XKR9: variants seen among roughly 807,000 people sequenced by gnomAD.
XKR9 encodes the protein XK related 9, also known as XK-related protein 9.
XKR9 carries 32 observed loss-of-function variants against 32.0 expected under a neutral mutation model. That is an observed-to-expected ratio of 1.00 (90% CI 0.76 to 1.34). The LOEUF (loss-of-function observed/expected upper bound fraction) is 1.34. Ranked by LOEUF, XKR9 falls within the 40% of genes most tolerant of loss-of-function variation. The pLI is 0.00. For synonymous variants in XKR9, 168 were observed against 143.4 expected (o/e 1.17, Z -1.22); for missense variants, 546 against 429.7 (o/e 1.27, Z -2.39).
chr8:70,997,308 A>G, the XKR9 span, among the ~76,000 whole-genome samples: 4 of 151,732 alleles, frequency 2.6e-5, no homozygotes, highest in African/African-American at 9.7e-5. Context: ...AAAAAAACAA[A>G]CAAAAAAAAA....
the XKR9 span, among the ~76,000 whole-genome samples, chr8:71,023,896 A>T: frequency 6.6e-6 from 1 of 152,138 alleles, no homozygotes; most frequent in Admixed American, 6.5e-5. Context: ...AGGGCAGAGC[A>T]ATCCCCAGGC....
chr8:70,816,273 G>A, the XKR9 span, among the ~76,000 whole-genome samples: 1 of 152,204 alleles, frequency 6.6e-6, no homozygotes, highest in Non-Finnish European at 1.5e-5. Context: ...AAATGGTGCT[G>A]GGAAAACTGG....
the XKR9 span, among the ~76,000 whole-genome samples, chr8:71,053,789 G>A: frequency 1.3e-5 from 2 of 152,232 alleles, no homozygotes; most frequent in Non-Finnish European, 1.5e-5. Context: ...GCTTTGATTA[G>A]TGGAACACAG....
the XKR9 span, among the ~76,000 whole-genome samples, chr8:71,058,625 T>C: frequency 6.6e-6 from 1 of 152,198 alleles, no homozygotes; most frequent in Admixed American, 6.5e-5. Flanking sequence ...ATGACATCAC[T>C]GGTGCAGCAT....
the XKR9 span, among the ~76,000 whole-genome samples, chr8:70,802,569 T>G: frequency 6.6e-6 from 1 of 152,146 alleles, no homozygotes; most frequent in Non-Finnish European, 1.5e-5. Context: ...TTTTATTGTG[T>G]CTGCGTTCTT....
intron 2 of XKR9, chr8:70,677,882 A>G (rs1818934530): frequency 1.3e-5 from 2 of 152,206 alleles, no homozygotes; most frequent in African/African-American, 4.8e-5. Context: ...TTCTTCTCCT[A>G]TATAAGCAAT....
chr8:70,815,258 C>G, the XKR9 span, among the ~76,000 whole-genome samples: 1 of 151,944 alleles, frequency 6.6e-6, no homozygotes, highest in Non-Finnish European at 1.5e-5. Context: ...CAGATTATTT[C>G]ATCACCACCA....
downstream of XKR9, among the ~76,000 whole-genome samples, chr8:70,737,298 T>G (rs1806881842): frequency 6.8e-6 from 1 of 146,280 alleles, no homozygotes; most frequent in Admixed American, 6.8e-5. Flanking sequence ...AGAATGCTTG[T>G]GATTTTTGTA....
chr8:70,712,342 A>G (rs1805947008), intron 4 of XKR9, among the ~76,000 whole-genome samples: 1 of 152,118 alleles, frequency 6.6e-6, no homozygotes. Context: ...ACAGGCCAAA[A>G]TATGTATGAC....
At chr8:70,926,356 C>T in the XKR9 span, among the ~76,000 whole-genome samples, 1 of 152,188 alleles carries the variant, frequency 6.6e-6, no homozygotes, top group African/African-American at 2.4e-5. Context: ...CAGGCGTGAG[C>T]CACTGCACCT....
chr8:70,760,863 C>T (rs927547325), intron 2 of XKR9, among the ~76,000 whole-genome samples: 3 of 152,152 alleles, frequency 2.0e-5, no homozygotes, highest in African/African-American at 7.2e-5. Context: ...TGTTCTTCCT[C>T]CCACCCTCTG....
At chr8:71,057,650 C>A in the XKR9 span, among the ~76,000 whole-genome samples, 3 of 152,148 alleles carry the variant, frequency 2.0e-5, no homozygotes, top group Non-Finnish European at 4.4e-5. Flanking sequence ...CAGAACTGAG[C>A]AAATAACATT....
the XKR9 span, among the ~76,000 whole-genome samples, chr8:71,000,515 A>C: frequency 6.6e-6 from 1 of 152,210 alleles, no homozygotes; most frequent in Non-Finnish European, 1.5e-5. Flanking sequence ...TCAGCTGGAA[A>C]AGATAGATTC....
chr8:71,024,940 A>G, the XKR9 span, among the ~76,000 whole-genome samples: 1 of 152,192 alleles, frequency 6.6e-6, no homozygotes, highest in Non-Finnish European at 1.5e-5. Flanking sequence ...CAGTGCCTCT[A>G]TTCAGCCTTC....
At chr8:70,984,120 C>A in the XKR9 span, among the ~76,000 whole-genome samples, 2 of 152,192 alleles carry the variant, frequency 1.3e-5, no homozygotes, top group Non-Finnish European at 2.9e-5. Flanking sequence ...GGGTGTCTTT[C>A]CTTTTTCTGG....
At chr8:70,763,376 T>A (rs1213219453) in intron 2 of XKR9, among the ~76,000 whole-genome samples, 3 of 152,178 alleles carry the variant, frequency 2.0e-5, no homozygotes, top group Non-Finnish European at 4.4e-5. Flanking sequence ...CTAACTTTTT[T>A]CAGATAACTC....
chr8:70,984,139 G>A, the XKR9 span, among the ~76,000 whole-genome samples: 6 of 152,158 alleles, frequency 3.9e-5, no homozygotes, highest in African/African-American at 7.2e-5. Context: ...GGGTGTTCAC[G>A]AGTCTGGAAA....
At chr8:71,004,922 C>T in the XKR9 span, among the ~76,000 whole-genome samples, 3 of 151,586 alleles carry the variant, frequency 2.0e-5, no homozygotes, top group Admixed American at 2.0e-4. Flanking sequence ...ACCTCAAACT[C>T]CTGGGCTCAA....
At chr8:70,966,310 G>A in the XKR9 span, among the ~76,000 whole-genome samples, 1,241 of 151,972 alleles carry the variant, frequency 8.2e-3, 18 homozygotes, top group Non-Finnish European at 0.012. Flanking sequence ...GTTCAGTGGC[G>A]CAATTTCGGC....
Sources: gnomAD v4.1 joint callset for allele counts (sites outside exome capture counted in the v4.1 genomes callset) on GRCh38, gnomAD v4.1.1 for gene constraint, MANE v1.5 for transcripts, NCBI Gene and HGNC (gene_info 2026-07-23, HGNC 2026-07-21) for gene names.